The following ROBO2 variants were observed in gnomAD, a reference collection of about 807,000 sequenced individuals.
The protein encoded by ROBO2 is roundabout homolog 2.
Under a neutral mutation model 160.8 loss-of-function variants are expected in ROBO2, and 53 were observed. That is an observed-to-expected ratio of 0.33 (90% CI 0.26 to 0.41). The LOEUF (loss-of-function observed/expected upper bound fraction) is 0.41. ROBO2 is among the 10% of genes least tolerant of loss of function. ROBO2 has a pLI of 1.00. For synonymous variants in ROBO2, 664 were observed against 611.7 expected, an observed-to-expected ratio of 1.09 and a Z score of -1.26; for missense variants, 1,577 against 1,722.4, an observed-to-expected ratio of 0.92 and a Z score of 1.49.
intron 2 of ROBO2, among the ~76,000 whole-genome samples, chr3:75,956,475 T>G (rs1326845304): frequency 1.3e-5 from 2 of 151,756 alleles, no homozygotes; most frequent in African/African-American, 4.8e-5. Flanking sequence ...AGTGAGTCAT[T>G]TTTTATGTTG....
rs1449923863 is a variant in ROBO2, at chr3:76,398,612, C to T, written c.109+461010C>T. On this transcript the variant is annotated intron_variant, in intron 2 of 26. Transcript: ENST00000487694. Reference sequence around the variant, plus strand: ...TTTCACACACTGTTGCACCTCTAGGCAGTATACACTAAACTAATATAAATT... The same window carrying T: ...TTTCACACACTGTTGCACCTCTAGGTAGTATACACTAAACTAATATAAATT... Among the ~76,000 whole-genome samples the T allele has an allele frequency of 3.3e-5, 5 of 151,564 alleles. No homozygotes were observed. In the Admixed American group the frequency reaches 3.3e-4, roughly 10 times the overall value.
chr3:76,968,531 T>A (rs1210856573), intron 2 of ROBO2, among the ~76,000 whole-genome samples: 5 of 152,200 alleles, frequency 3.3e-5, no homozygotes, highest in East Asian at 1.9e-4. Context: ...TGTAAATATA[T>A]GAAATTCAAA....
intron 2 of ROBO2, among the ~76,000 whole-genome samples, chr3:76,162,436 C>T (rs1178844884): frequency 3.3e-5 from 5 of 152,066 alleles, no homozygotes; most frequent in Admixed American, 2.6e-4. Context: ...CCTCCTGAGT[C>T]ACTGGAACTA....
At chr3:77,211,204 A>G (rs1015023127) in intron 2 of ROBO2, among the ~76,000 whole-genome samples, 4 of 152,224 alleles carry the variant, frequency 2.6e-5, no homozygotes, top group African/African-American at 9.6e-5. Flanking sequence ...CAGTCCCACC[A>G]ACAGTGTAAA....
chr3:76,225,198 TC>T (rs1704208256), intron 2 of ROBO2, among the ~76,000 whole-genome samples: 1 of 152,022 alleles, frequency 6.6e-6, no homozygotes, highest in African/African-American at 2.4e-5. Flanking sequence ...GGCTGTACAT[TC>T]CCCACAGAAA....
intron 2 of ROBO2, among the ~76,000 whole-genome samples, chr3:76,704,021 G>T (rs2093104006): frequency 6.6e-6 from 1 of 151,678 alleles, no homozygotes; most frequent in African/African-American, 2.4e-5. Context: ...TTCTGATATG[G>T]AATGGGCATC....
At chr3:76,669,784 C>T (rs1423342412) in intron 2 of ROBO2, among the ~76,000 whole-genome samples, 1 of 152,284 alleles carries the variant, frequency 6.6e-6, no homozygotes, top group South Asian at 2.1e-4. Context: ...TTGCTGCTCG[C>T]AATATTTATT....
At chr3:77,157,026 C>G (rs2078072629) in intron 2 of ROBO2, among the ~76,000 whole-genome samples, 1 of 151,898 alleles carries the variant, frequency 6.6e-6, no homozygotes, top group Admixed American at 6.6e-5. Flanking sequence ...GGGATGGAGC[C>G]CAGTAATTGG....
At chr3:76,610,957 C>T (rs2088067802) in intron 2 of ROBO2, among the ~76,000 whole-genome samples, 1 of 152,116 alleles carries the variant, frequency 6.6e-6, no homozygotes, top group Non-Finnish European at 1.5e-5. Flanking sequence ...TATTGAGTGA[C>T]AGAAGGAAAG....
intron 2 of ROBO2, among the ~76,000 whole-genome samples, chr3:77,311,518 T>C (rs1580956208): frequency 1.3e-5 from 2 of 152,218 alleles, no homozygotes; most frequent in African/African-American, 4.8e-5. Flanking sequence ...GAGAATGTAA[T>C]TGCTGAAAAT....
chr3:76,484,511 AATT>A (rs1457105301), intron 2 of ROBO2, among the ~76,000 whole-genome samples: 5 of 152,114 alleles, frequency 3.3e-5, no homozygotes, highest in Admixed American at 2.0e-4. Context: ...AGAATGCAGG[AATT>A]AACAACTTAA....
intron 2 of ROBO2, among the ~76,000 whole-genome samples, chr3:76,299,096 C>T (rs1709232091): frequency 6.6e-6 from 1 of 152,162 alleles, no homozygotes; most frequent in Non-Finnish European, 1.5e-5. Flanking sequence ...ATACAACGAA[C>T]ACAAATTCCT....
chr3:77,061,882 G>T (rs1014679725), intron 1 of ROBO2, among the ~76,000 whole-genome samples: 2 of 152,188 alleles, frequency 1.3e-5, no homozygotes, highest in Admixed American at 6.5e-5. Flanking sequence ...CTTTGAGCAA[G>T]GAATAACAGT....
intron 2 of ROBO2, among the ~76,000 whole-genome samples, chr3:77,471,802 AG>A (rs771141952): frequency 2.0e-5 from 3 of 152,196 alleles, no homozygotes; most frequent in Non-Finnish European, 4.4e-5. Flanking sequence ...AGGCAATTTT[AG>A]AAGAATAAGT....
intron 2 of ROBO2, among the ~76,000 whole-genome samples, chr3:77,099,759 A>G (rs2150088554): frequency 6.6e-6 from 1 of 152,210 alleles, no homozygotes; most frequent in South Asian, 2.1e-4. Flanking sequence ...GGTGAATATG[A>G]CTGGCATTAT....
chr3:76,491,616 G>A (rs2079828854), intron 2 of ROBO2, among the ~76,000 whole-genome samples: 3 of 152,028 alleles, frequency 2.0e-5, no homozygotes, highest in Admixed American at 2.0e-4. Context: ...CCTTGTTTAG[G>A]CATTATTACA....
At chr3:76,828,597 G>A (rs866395096) in intron 2 of ROBO2, among the ~76,000 whole-genome samples, 3 of 152,062 alleles carry the variant, frequency 2.0e-5, no homozygotes, top group Non-Finnish European at 4.4e-5. Context: ...CATTCATGGA[G>A]TCTTAGAGTC....
chr3:76,359,651 C>T (rs749077406), intron 2 of ROBO2, among the ~76,000 whole-genome samples: 9 of 151,916 alleles, frequency 5.9e-5, no homozygotes, highest in Non-Finnish European at 1.2e-4. Context: ...AAATATCTTT[C>T]CTGTAATTCA....
intron 5 of ROBO2, among the ~76,000 whole-genome samples, chr3:77,516,592 AC>A (rs2090045107): frequency 6.6e-6 from 1 of 151,730 alleles, no homozygotes; most frequent in African/African-American, 2.4e-5. Context: ...TGTTCATGTT[AC>A]TAATTTACAG....
Sources: allele counts gnomAD v4.1 joint callset (sites outside exome capture counted in the v4.1 genomes callset), GRCh38; gene constraint gnomAD v4.1.1; transcripts MANE v1.5; gene names NCBI Gene and HGNC (gene_info 2026-07-23, HGNC 2026-07-21).